The following EXOC2 variants were observed in gnomAD, a reference collection of about 807,000 sequenced individuals.
EXOC2 encodes SEC5-like 1.
Under a neutral mutation model 131.8 loss-of-function variants are expected in EXOC2, and 70 were observed. The ratio of observed to expected loss-of-function variants is 0.53; its 90% confidence interval spans 0.44 to 0.65. EXOC2 has a LOEUF of 0.65. Among genes scored for constraint, EXOC2 ranks in the 30% least tolerant of loss-of-function variants. The probability of loss-of-function intolerance (pLI) is 0.00; values close to 1 mark genes in which losing one functional copy is unlikely to be tolerated. For missense variants in EXOC2, 923 were observed against 1,108.6 expected (o/e 0.83, Z 2.38); for synonymous variants, 411 against 398.4 (o/e 1.03, Z -0.38).
chr6:491,203 G>C lies in EXOC2; in HGVS notation c.2560-17C>G, dbSNP rs747228592. On this transcript the variant is annotated splice_polypyrimidine_tract_variant and intron_variant, in intron 25 of 27. Coordinates refer to ENST00000230449, the MANE Select transcript of EXOC2 (RefSeq NM_018303.6). ...AAGTCTCGCCTGAAAATGAGAAAAA[G>C]ACAAAGTGACAACAGGAAAATTTAT... The C allele has an allele frequency of 3.7e-6, 6 of 1,613,596 alleles. No homozygotes were observed. The highest frequency in any genetic ancestry group is 5.1e-6 in the Non-Finnish European group (6 of 1,179,614).
intron 22 of EXOC2, 115 bp from the exon 23 acceptor site, chr6:532,725 C>T (rs1766162593): frequency 4.8e-6 from 5 of 1,033,234 alleles, no homozygotes; most frequent in Admixed American, 3.1e-5. Flanking sequence ...AATTTTCCTA[C>T]AAAAACTCGT....
At chr6:500,442 G>A (rs753535288) in intron 23 of EXOC2, among the ~76,000 whole-genome samples, 2 of 152,188 alleles carry the variant, frequency 1.3e-5, no homozygotes, top group Non-Finnish European at 2.9e-5. Context: ...CCCCAGTTTC[G>A]ACAGCTGCTA....
intron 22 of EXOC2, among the ~76,000 whole-genome samples, chr6:534,464 AGACT>A (rs1308915743): frequency 6.6e-6 from 1 of 152,222 alleles, no homozygotes; most frequent in East Asian, 1.9e-4. Flanking sequence ...AGACAGAGAC[AGACT>A]GACTTTCAAG....
At chr6:537,694 C>T (rs1198569352) in intron 22 of EXOC2, among the ~76,000 whole-genome samples, 29 of 152,204 alleles carry the variant, frequency 1.9e-4, no homozygotes, top group Admixed American at 1.9e-3. Flanking sequence ...TGGAGACAAC[C>T]CCATGTCCAT....
At chr6:504,461 G>C (rs1370321157) in intron 23 of EXOC2, among the ~76,000 whole-genome samples, 1 of 152,250 alleles carries the variant, frequency 6.6e-6, no homozygotes, top group Non-Finnish European at 1.5e-5. Flanking sequence ...CAAAGGGCCA[G>C]TGACGGTGAC....
At position 528,213 on chromosome 6, in the gene EXOC2, A is replaced by AT. The variant is rs572640630; in HGVS notation, c.2380+4255dup. Among the ~76,000 whole-genome samples, 438 of 149,184 alleles carry AT rather than the reference A, an allele frequency of 2.9e-3. 3 individuals carry two copies. The highest frequency in any genetic ancestry group is 9.9e-3 in the African/African-American group (406 of 40,808). ...TTGAATCATGAAATTAATCAACTGG[A>AT]TTTTTTTTTTTAATCACTACATACA... On this transcript the variant is annotated intron_variant, in intron 23 of 27. Coordinates refer to ENST00000230449, the MANE Select transcript of EXOC2 (RefSeq NM_018303.6).
intron 13 of EXOC2, 22 bp downstream of exon 13, chr6:572,498 C>G (rs781299555): frequency 6.3e-7 from 1 of 1,597,488 alleles, no homozygotes; most frequent in Non-Finnish European, 8.5e-7. Context: ...AGCTCCACCT[C>G]TAGCCGAGTC....
intron 5 of EXOC2, 84 bp downstream of exon 5, chr6:619,346 G>T: frequency 9.1e-7 from 1 of 1,104,634 alleles, no homozygotes; most frequent in Non-Finnish European, 1.4e-6. Context: ...TGCAGAGCCA[G>T]ACCTAAAACT....
At chr6:548,725 T>A (rs1279308996) in intron 22 of EXOC2, among the ~76,000 whole-genome samples, 1 of 152,118 alleles carries the variant, frequency 6.6e-6, no homozygotes, top group Non-Finnish European at 1.5e-5. Flanking sequence ...CTTGAGGTCA[T>A]ACAGAAAGGG....
chr6:639,641 G>A (rs1561958327), intron 1 of EXOC2, among the ~76,000 whole-genome samples: 1 of 152,202 alleles, frequency 6.6e-6, no homozygotes. Context: ...CCTGCAAAAA[G>A]GGAAGGGCCG....
At chr6:686,318 C>T (rs9504753) in intron 1 of EXOC2, among the ~76,000 whole-genome samples, 21,739 of 152,068 alleles carry the variant, frequency 0.14, 1,717 homozygotes, top group African/African-American at 0.21. Context: ...CAAAAAAATA[C>T]ATGAACTACT....
intron 1 of EXOC2, among the ~76,000 whole-genome samples, chr6:685,590 C>T (rs1003172630): frequency 4.6e-5 from 7 of 152,220 alleles, no homozygotes; most frequent in Non-Finnish European, 7.3e-5. Context: ...GCCACAAATT[C>T]TACCATATAA....
At chr6:491,025 G>C in intron 26 of EXOC2, 100 bp downstream of exon 26, 1 of 1,199,878 alleles carries the variant, frequency 8.3e-7, no homozygotes, top group Non-Finnish European at 1.2e-6. Flanking sequence ...AAATTCATGA[G>C]CATGTGCTCT....
chr6:647,052 G>A (rs1762607583), intron 1 of EXOC2, among the ~76,000 whole-genome samples: 1 of 152,196 alleles, frequency 6.6e-6, no homozygotes, highest in Non-Finnish European at 1.5e-5. Flanking sequence ...AAACCAATTT[G>A]TGAGAGGAAA....
chr6:534,783 ACT>A (rs763348803), intron 22 of EXOC2, among the ~76,000 whole-genome samples: 4 of 152,312 alleles, frequency 2.6e-5, no homozygotes, highest in East Asian at 3.9e-4. Flanking sequence ...ACAGGCAATA[ACT>A]CTGAGTTCCC....
chr6:578,395 G>A (rs1758701363), intron 11 of EXOC2, among the ~76,000 whole-genome samples: 1 of 152,132 alleles, frequency 6.6e-6, no homozygotes, highest in Non-Finnish European at 1.5e-5. Context: ...TTTACATTCT[G>A]GTGGTGGAGG....
At position 556,029 on chromosome 6, in the gene EXOC2, T is replaced by C. The variant is rs768696589; in HGVS notation, c.1933-16A>G. The C allele has an allele frequency of 5.0e-6, 8 of 1,611,626 alleles. No individual in the cohort carries two copies. Among genetic ancestry groups the C allele is most frequent in the African/African-American group, 1.3e-5 (1 of 74,814 alleles). Reference sequence around the variant, plus strand: ...GTTGGAAGACCTGTAAGGAAGAATTTTGATGAAAATTTTTGGACTTTGCTA... The same window carrying C: ...GTTGGAAGACCTGTAAGGAAGAATTCTGATGAAAATTTTTGGACTTTGCTA... On this transcript the variant is annotated splice_polypyrimidine_tract_variant and intron_variant, in intron 18 of 27. Transcript: ENST00000230449.
At chr6:500,311 G>C (rs1763969739) in intron 23 of EXOC2, among the ~76,000 whole-genome samples, 1 of 152,198 alleles carries the variant, frequency 6.6e-6, no homozygotes, top group African/African-American at 2.4e-5. Flanking sequence ...GCAAGTTAAA[G>C]CCTGGACAAA....
intron 1 of EXOC2, among the ~76,000 whole-genome samples, chr6:691,986 T>C (rs948424175): frequency 6.6e-6 from 1 of 152,232 alleles, no homozygotes; most frequent in Non-Finnish European, 1.5e-5. Flanking sequence ...TGGCTTTCAG[T>C]TGATTTGTCA....
Sources: gnomAD v4.1 joint callset for allele counts (sites outside exome capture counted in the v4.1 genomes callset) on GRCh38, gnomAD v4.1.1 for gene constraint, MANE v1.5 for transcripts, NCBI Gene and HGNC (gene_info 2026-07-23, HGNC 2026-07-21) for gene names.